The following GABPB2 variants were observed in gnomAD, a reference collection of about 807,000 sequenced individuals.
GABPB2 encodes GA-binding protein subunit beta-2.
In GABPB2, 23 loss-of-function variants were observed where a neutral mutation model predicts 39.1. The ratio of observed to expected loss-of-function variants is 0.59; its 90% confidence interval spans 0.42 to 0.83. The LOEUF (loss-of-function observed/expected upper bound fraction) is 0.83, where lower values mean the gene tolerates loss of function less well. Ranked by LOEUF, GABPB2 falls within the 40% of genes least tolerant of loss-of-function variation. The probability of loss-of-function intolerance (pLI) is 0.00; values close to 1 mark genes in which losing one functional copy is unlikely to be tolerated. For synonymous variants in GABPB2, 184 were observed against 199.3 expected (o/e 0.92, Z 0.65); for missense variants, 467 against 541.1 (o/e 0.86, Z 1.36).
chr1:151,118,233 T>G lies in GABPB2; in HGVS notation c.1324T>G (p.Ser442Ala). Residue 442 changes from serine (S) to alanine (A), a missense_variant, in exon 9 of 9, where the codon TCC (serine) becomes GCC (alanine). Ser to Ala is a moderately conservative substitution (Grantham distance 99). Coordinates refer to ENST00000368918, the MANE Select transcript of GABPB2 (RefSeq NM_144618.3). Reference protein sequence around the residue: ...AGTTEPHTRVSMATVSS With the variant: ...AGTTEPHTRVAMATVSS ...GACCACAGAGCCTCACACTAGAGTT[T>G]CCATGGCAACTGTTTCATCTTAATA... is the stretch of plus-strand genomic sequence containing the variant. 6.2e-7 allele frequency: 1 copy of G among 1,613,098 alleles called. No homozygotes were observed. Among genetic ancestry groups the G allele is most frequent in the Non-Finnish European group, 8.5e-7 (1 of 1,179,278 alleles).
chr1:151,107,206 G>A lies in GABPB2; in HGVS notation c.906G>A (p.Val302=). The change falls in exon 7 of 9, where the codon GTG becomes GTA. Residue 302 remains valine, a synonymous_variant. Transcript: ENST00000368918. ...GGIGQPFIVT[V]QDGQQVLTVP... is the part of the protein sequence containing the mutation. ...TTGGCCAGCCATTTATTGTAACTGTGCAAGATGGACAGCAAGGTGAGTTAT... is the reference window on the plus strand; with the variant it reads ...TTGGCCAGCCATTTATTGTAACTGTACAAGATGGACAGCAAGGTGAGTTAT... 1.9e-6 allele frequency: 3 copies of A among 1,586,696 alleles called. No individual in the cohort carries two copies. Among genetic ancestry groups the A allele is most frequent in the Non-Finnish European group, 2.6e-6 (3 of 1,169,144 alleles).
rs143714520 is a variant in GABPB2 at position 151,093,256 on chromosome 1, G to A, written c.341G>A (p.Arg114His). The A allele has an allele frequency of 9.7e-5, 156 of 1,611,516 alleles. No homozygotes were observed. In the Middle Eastern group the frequency reaches 1.3e-3, roughly 14 times the overall value. Residue 114 changes from arginine (R) to histidine (H), a missense_variant, in exon 4 of 9, where the codon CGC becomes CAC. Physicochemically the swap from Arg to His is conservative, Grantham distance 29 (BLOSUM62 0). Transcript: ENST00000368918. ...KMTALHWATE[R>H]HHRDVVELLI... The stretch of plus-strand genomic sequence containing the variant: ...ACAGCTTTGCATTGGGCCACAGAGC[G>A]CCACCATCGAGATGTCGTAGAGTTA...
intron 1 of GABPB2, among the ~76,000 whole-genome samples, chr1:151,082,752 G>T (rs1677836123): frequency 6.6e-6 from 1 of 151,934 alleles, no homozygotes; most frequent in African/African-American, 2.4e-5. Flanking sequence ...AAGGCAGGAG[G>T]ATTGCTTGAG....
At chr1:151,074,852 A>G (rs60865304) in intron 1 of GABPB2, among the ~76,000 whole-genome samples, 3,218 of 152,166 alleles carry the variant, frequency 0.021, 103 homozygotes, top group African/African-American at 0.073. Context: ...CTCATCCTGT[A>G]ACTAAGAATG....
intron 1 of GABPB2, among the ~76,000 whole-genome samples, chr1:151,076,793 G>T (rs867275816): frequency 1.9e-3 from 269 of 142,788 alleles, no homozygotes; most frequent in African/African-American, 6.2e-3. Flanking sequence ...AACTTGGTCT[G>T]ATTTTTTTTT....
chr1:151,101,761 A>G (rs887267933), intron 5 of GABPB2, among the ~76,000 whole-genome samples: 1 of 152,172 alleles, frequency 6.6e-6, no homozygotes, highest in African/African-American at 2.4e-5. Flanking sequence ...GAGGCAATAA[A>G]TTTGTAACTG....
At chr1:151,108,015 A>T (rs1041367842) in intron 7 of GABPB2, among the ~76,000 whole-genome samples, 1 of 152,206 alleles carries the variant, frequency 6.6e-6, no homozygotes, top group African/African-American at 2.4e-5. Flanking sequence ...TACTGTACTG[A>T]CATACCATTA....
chr1:151,091,464 T>TC (rs200587904), intron 3 of GABPB2, among the ~76,000 whole-genome samples: 4 of 14,354 alleles, frequency 2.8e-4, no homozygotes, highest in Admixed American at 1.0e-3. Context: ...CTCCTGTGTC[T>TC]CAAAAAAAAA....
At chr1:151,081,649 T>G (rs1029853221) in intron 1 of GABPB2, among the ~76,000 whole-genome samples, 4 of 152,166 alleles carry the variant, frequency 2.6e-5, no homozygotes, top group Non-Finnish European at 5.9e-5. Flanking sequence ...TATTTTTTTT[T>G]TTTTAGATGG....
At chr1:151,113,469 CAAA>C (rs959062545) in intron 7 of GABPB2, among the ~76,000 whole-genome samples, 9 of 63,274 alleles carry the variant, frequency 1.4e-4, no homozygotes, top group African/African-American at 1.6e-4. Flanking sequence ...ACTCCAACTG[CAAA>C]AAAAAAAAAA....
chr1:151,071,697 C>A (rs1487916488), intron 1 of GABPB2, among the ~76,000 whole-genome samples: 1 of 152,166 alleles, frequency 6.6e-6, no homozygotes, highest in Non-Finnish European at 1.5e-5. Context: ...GTCTCGAACT[C>A]CTGACCTTAG....
At chr1:151,080,183 C>G (rs112827459) in intron 1 of GABPB2, among the ~76,000 whole-genome samples, 3,374 of 146,136 alleles carry the variant, frequency 0.023, 66 homozygotes, top group Non-Finnish European at 0.034. Context: ...CCATTGCACT[C>G]CAGCCTGGGC....
In GABPB2 at chr1:151,123,454, C is replaced by G. The variant is rs78535635; in HGVS notation, c.*5198C>G. ...TGGGCAATAGAGCGAGACTCTGTCT[C>G]AAAAAAAAAAAAAAAAGAAGGAAAG... On this transcript the variant is annotated 3_prime_UTR_variant, in exon 9 of 9. Coordinates refer to ENST00000368918, the MANE Select transcript of GABPB2 (RefSeq NM_144618.3). 1.3e-5 allele frequency: 1 copy of G among 77,526 alleles called. No homozygotes were observed. Among genetic ancestry groups the G allele is most frequent in the Admixed American group, 1.5e-4 (1 of 6,540 alleles). 4.8% of individuals were successfully genotyped at this position (77,526 alleles called of 1,614,324 possible).
chr1:151,107,222 G>T lies in GABPB2; in HGVS notation c.922G>T (p.Val308Phe). 6.4e-7 allele frequency: 1 copy of T among 1,564,472 alleles called. No homozygotes were observed. The highest frequency in any genetic ancestry group is 1.2e-5 in the South Asian group (1 of 83,346). ...FIVTVQDGQQ[V>F]LTVPAGKVAE... ...TGTAACTGTGCAAGATGGACAGCAA[G>T]GTGAGTTATCTCTTGTAGACAATTG... Residue 308 changes from valine to phenylalanine, a missense_variant and splice_region_variant, in exon 7 of 9, where the codon GTT becomes TTT. Coordinates refer to ENST00000368918, the MANE Select transcript of GABPB2 (RefSeq NM_144618.3).
At chr1:151,088,865 T>G (rs1678429166) in intron 2 of GABPB2, among the ~76,000 whole-genome samples, 1 of 152,152 alleles carries the variant, frequency 6.6e-6, no homozygotes, top group African/African-American at 2.4e-5. Context: ...CTGGGCATGG[T>G]GGCGCACGCC....
chr1:151,088,757 T>C (rs1416482145), intron 2 of GABPB2, among the ~76,000 whole-genome samples: 5 of 152,246 alleles, frequency 3.3e-5, no homozygotes, highest in Middle Eastern at 3.2e-3. Flanking sequence ...TCCCAGCACT[T>C]TGGGAGTCCA....
intron 1 of GABPB2, among the ~76,000 whole-genome samples, chr1:151,087,177 C>T (rs1678278473): frequency 6.8e-6 from 1 of 147,422 alleles, no homozygotes. Context: ...TTTTGTGAGA[C>T]GGTTTCGCCA....
chr1:151,091,213 G>A (rs1173972292), intron 3 of GABPB2, among the ~76,000 whole-genome samples: 19 of 142,436 alleles, frequency 1.3e-4, no homozygotes, highest in South Asian at 4.6e-4. Context: ...TCAGCCTCCC[G>A]AGTAGCTGGG....
intron 5 of GABPB2, among the ~76,000 whole-genome samples, chr1:151,102,048 C>T (rs1679568948): frequency 6.6e-6 from 1 of 152,130 alleles, no homozygotes; most frequent in Non-Finnish European, 1.5e-5. Context: ...TGGCTGGACA[C>T]AGTGGCTCAT....
Sources: allele counts gnomAD v4.1 joint callset (sites outside exome capture counted in the v4.1 genomes callset), GRCh38; gene constraint gnomAD v4.1.1; transcripts MANE v1.5; gene names NCBI Gene and HGNC (gene_info 2026-07-23, HGNC 2026-07-21).